PHF12: variants seen among roughly 807,000 people sequenced by gnomAD.
PHF12 encodes PHD factor 1.
In PHF12, 6 loss-of-function variants were observed where a neutral mutation model predicts 99.8. The observed-to-expected ratio is 0.06, with a 90% CI of 0.03 to 0.12. The LOEUF (loss-of-function observed/expected upper bound fraction) is 0.12, where lower values mean the gene tolerates loss of function less well. Among genes scored for constraint, PHF12 ranks in the 10% least tolerant of loss-of-function variants. The pLI, the probability that PHF12 is intolerant of heterozygous loss-of-function variation, is 1.00. For synonymous variants in PHF12, 480 were observed against 514.9 expected, an observed-to-expected ratio of 0.93 and a Z score of 0.92; for missense variants, 954 against 1,300.1, an observed-to-expected ratio of 0.73 and a Z score of 4.09.
chr17:28,942,927 A>G (rs1480392971), intron 2 of PHF12, among the ~76,000 whole-genome samples: 1 of 152,204 alleles, frequency 6.6e-6, no homozygotes, highest in African/African-American at 2.4e-5. Flanking sequence ...TGCGACAAGG[A>G]ACTTATATTT....
In PHF12 at chr17:28,907,617, C is replaced by T. The variant is rs2039892317; in HGVS notation, c.2514G>A (p.Gly838=). 1 of 1,614,008 alleles carries T rather than the reference C, an allele frequency of 6.2e-7. No individual in the cohort carries two copies. The highest frequency in any genetic ancestry group is 8.5e-7 in the Non-Finnish European group (1 of 1,179,938). ...CATCGTAGAATATGCAGGCATGTTT[C>T]CCGGACACGTAGTTACAGTGACCAT... ...TNYGHCNYVS[G]KHACIFYDEN... The change falls in exon 13 of 15, where the codon GGG becomes GGA. Residue 838 remains glycine, a synonymous_variant. Coordinates refer to ENST00000332830, the MANE Select transcript of PHF12 (RefSeq NM_001033561.2).
rs2040112212 is a variant in PHF12 at position 28,919,131 on chromosome 17, T to C, written c.969+12A>G. On this transcript the variant is annotated intron_variant, in intron 6 of 14. Transcript: ENST00000332830. ...TGCCCATTGAGGACTGAATGGACACTGCTGTGCTTACCACCACATGTTCGA... is the reference window on the plus strand; with the variant it reads ...TGCCCATTGAGGACTGAATGGACACCGCTGTGCTTACCACCACATGTTCGA... The C allele has an allele frequency of 6.2e-7, 1 of 1,612,498 alleles. No homozygotes were observed. Among genetic ancestry groups the C allele is most frequent in the Non-Finnish European group, 8.5e-7 (1 of 1,178,812 alleles).
intron 2 of PHF12, among the ~76,000 whole-genome samples, chr17:28,942,572 C>T (rs2040637955): frequency 6.6e-6 from 1 of 152,076 alleles, no homozygotes; most frequent in African/African-American, 2.4e-5. Flanking sequence ...AATCCCAGCA[C>T]TTTGCGAGGC....
At chr17:28,925,942 T>G (rs2040264938) in intron 3 of PHF12, 1 of 152,236 alleles carries the variant, frequency 6.6e-6, no homozygotes, top group Non-Finnish European at 1.5e-5. Context: ...TTGAGAGGGC[T>G]CCTGGCTGGC....
chr17:28,941,039 C>CT (rs34310397), intron 2 of PHF12, among the ~76,000 whole-genome samples: 25,978 of 134,236 alleles, frequency 0.19, 3,181 homozygotes, highest in African/African-American at 0.36. Context: ...GGAAAACAGA[C>CT]TTTTTTTTTT....
chr17:28,950,121 T>A lies in PHF12; in HGVS notation c.192A>T (p.Glu64Asp). 1 of 1,613,976 alleles carries A rather than the reference T, an allele frequency of 6.2e-7. No homozygotes were observed. The change falls in exon 2 of 15, where the codon GAA (glutamate) becomes GAT (aspartate). Residue 64 changes from glutamate to aspartate, a missense_variant. This residue lies in a region of PHF12 where 10 missense variants were observed against 58.3 expected (regional missense o/e 0.17). Transcript: ENST00000332830. The surrounding 1 kb of genome is among the most constrained non-coding windows in gnomAD (Gnocchi z 5.7). The stretch of plus-strand genomic sequence containing the variant: ...GGTCGCAGCACAGGAGATCTCCACC[T>A]TCCTTGCAGCTATCGCAGCTGTCGT... Reference protein sequence around the residue: ...TNHDSCDSCKEGGDLLCCDHC... With the variant: ...TNHDSCDSCKDGGDLLCCDHC...
At chr17:28,909,452 C>G (rs1404499016) in intron 11 of PHF12, 3 of 154,094 alleles carry the variant, frequency 1.9e-5, no homozygotes, top group African/African-American at 7.2e-5. Context: ...TCTTAATGGC[C>G]AATGCTCAGA....
At position 28,907,861 on chromosome 17, in the gene PHF12, A is replaced by G. The variant is rs192823637; in HGVS notation, c.2459-189T>C. The G allele has an allele frequency of 1.2e-5, 6 of 507,402 alleles. No homozygotes were observed. The East Asian group carries it at 1.8e-4, about 15-fold the overall frequency. 31.4% of individuals were successfully genotyped at this position (507,402 alleles called of 1,614,324 possible). ...CTGTTGTCTTTTCCAAGCTCCTGAT[A>G]AAGAACAGCTGTCCCTGCCAGCTGA... On this transcript the variant is annotated intron_variant, in intron 12 of 14. Coordinates refer to ENST00000332830, the MANE Select transcript of PHF12 (RefSeq NM_001033561.2).
intron 2 of PHF12, among the ~76,000 whole-genome samples, chr17:28,938,391 G>A (rs1403715831): frequency 6.6e-6 from 1 of 152,026 alleles, no homozygotes; most frequent in African/African-American, 2.4e-5. Flanking sequence ...CACCACACCC[G>A]GCTAATTTTT....
In PHF12 at chr17:28,950,401, C is replaced by G; in HGVS notation, c.67-155G>C. The G allele has an allele frequency of 1.3e-6, 1 of 792,276 alleles. No individual in the cohort carries two copies. The highest frequency in any genetic ancestry group is 1.7e-5 in the African/African-American group (1 of 57,236). The allele number at this position is 792,276 out of a possible 1,614,324, so 49.1% of individuals were successfully genotyped here. ...TCCCAGAATCTCTCAGCCCCCGGAA[C>G]CAGGGGGAGCCCACCCTAACCGCGT... On this transcript the variant is annotated intron_variant, in intron 1 of 14. Transcript: ENST00000332830. The surrounding 1 kb of genome is among the most constrained non-coding windows in gnomAD (Gnocchi z 5.7).
Position 28,951,101 on chromosome 17 carries a change from C to T in PHF12, c.-141G>A, listed in dbSNP as rs2040803680. ...GTCCCGACTTCCTCGCCCTGGCTCC[C>T]CCCCACCCCCCGGCCCCCAGTCCCC... is the stretch of plus-strand genomic sequence containing the variant. On this transcript the variant is annotated 5_prime_UTR_variant, in exon 1 of 15. Coordinates refer to ENST00000332830, the MANE Select transcript of PHF12 (RefSeq NM_001033561.2). 1 of 1,459,738 alleles carries T rather than the reference C, an allele frequency of 6.9e-7. No individual in the cohort carries two copies. The highest frequency in any genetic ancestry group is 9.0e-7 in the Non-Finnish European group (1 of 1,106,400). The allele number at this position is 1,459,738 out of a possible 1,614,324, so 90.4% of individuals were successfully genotyped here. A position where few individuals can be genotyped will look rare whatever the true frequency, so the allele number is the denominator to read the frequency against.
At chr17:28,939,029 C>G (rs916935017) in intron 2 of PHF12, among the ~76,000 whole-genome samples, 2 of 152,366 alleles carry the variant, frequency 1.3e-5, no homozygotes, top group Admixed American at 1.3e-4. Context: ...AAACCTTGGA[C>G]ATGCGTTATT....
chr17:28,937,200 A>C (rs1008350476), intron 2 of PHF12, among the ~76,000 whole-genome samples: 1 of 152,238 alleles, frequency 6.6e-6, no homozygotes. Context: ...AGGGAACAAC[A>C]TTTAATGAAA....
intron 2 of PHF12, among the ~76,000 whole-genome samples, chr17:28,943,006 CTTAA>C (rs1299032143): frequency 4.6e-5 from 7 of 151,998 alleles, no homozygotes; most frequent in Non-Finnish European, 1.0e-4. Context: ...AGACAAAAAT[CTTAA>C]TAGAGATCTC....
At chr17:28,915,425 TGGA>T (rs57832183) in intron 7 of PHF12, among the ~76,000 whole-genome samples, 50,928 of 151,696 alleles carry the variant, frequency 0.34, 9,883 homozygotes, top group African/African-American at 0.54. Context: ...TCTGGTCTTA[TGGA>T]GGAGGTTCAT....
rs532161777 is a variant in PHF12 at position 28,924,678 on chromosome 17, C to T, written c.322-376G>A. 1.9e-4 allele frequency: 59 copies of T among 310,524 alleles called. 1 individual carries two copies. The highest frequency in any genetic ancestry group is 1.4e-3 in the South Asian group (53 of 37,208). 19.2% of individuals were successfully genotyped at this position (310,524 alleles called of 1,614,324 possible). ...ATAGTAAAAATCAATGGGGCAGGCA[C>T]GGTGGCTCACGTCTGTAATCCCAGC... On this transcript the variant is annotated intron_variant, in intron 3 of 14. Coordinates refer to ENST00000332830, the MANE Select transcript of PHF12 (RefSeq NM_001033561.2).
At chr17:28,938,777 T>A (rs886390227) in intron 2 of PHF12, among the ~76,000 whole-genome samples, 2 of 152,194 alleles carry the variant, frequency 1.3e-5, no homozygotes, top group Admixed American at 1.3e-4. Flanking sequence ...GCTGTCAAAC[T>A]GTGCTGTCAT....
At chr17:28,940,729 T>C (rs370467939) in intron 2 of PHF12, among the ~76,000 whole-genome samples, 76 of 152,238 alleles carry the variant, frequency 5.0e-4, no homozygotes, top group African/African-American at 1.7e-3. Context: ...TCTTCTTAAC[T>C]GCTCTCAAGT....
intron 12 of PHF12, chr17:28,908,568 C>T: frequency 1.8e-6 from 1 of 558,612 alleles, no homozygotes. Context: ...GTTCCTCCTG[C>T]CTTGTCCTCC....
Sources: allele counts gnomAD v4.1 joint callset (sites outside exome capture counted in the v4.1 genomes callset), GRCh38; gene constraint gnomAD v4.1.1; regional missense constraint gnomAD v4.1.1; non-coding constraint Gnocchi (gnomAD v3.1); transcripts MANE v1.5; gene names NCBI Gene and HGNC (gene_info 2026-07-23, HGNC 2026-07-21).